The following TMEM232 variants were observed in gnomAD, a reference collection of about 807,000 sequenced individuals.
TMEM232 encodes transmembrane protein 232.
In TMEM232, 80 loss-of-function variants were observed where a neutral mutation model predicts 78.8. That is an observed-to-expected ratio of 1.01 (90% CI 0.85 to 1.22). The LOEUF (loss-of-function observed/expected upper bound fraction) is 1.22, where lower values mean the gene tolerates loss of function less well. TMEM232 is among the 50% of genes most tolerant of loss of function. The pLI, the probability that TMEM232 is intolerant of heterozygous loss-of-function variation, is 0.00. For synonymous variants in TMEM232, 297 were observed against 254.3 expected (o/e 1.17, Z -1.60); for missense variants, 881 against 742.2 (o/e 1.19, Z -2.17).
chr5:110,645,728 T>A (rs892975458), intron 2 of TMEM232, among the ~76,000 whole-genome samples: 25 of 151,486 alleles, frequency 1.7e-4, no homozygotes, highest in Non-Finnish European at 4.4e-5. Context: ...CCAGAGCAAG[T>A]AAGTAAGAAT....
chr5:110,598,961 T>C (rs1207744364), intron 10 of TMEM232, among the ~76,000 whole-genome samples: 1 of 151,446 alleles, frequency 6.6e-6, no homozygotes, highest in Non-Finnish European at 1.5e-5. Flanking sequence ...TGTATACATA[T>C]GTAACTAACC....
At chr5:110,470,982 A>T (rs1456726691) in intron 12 of TMEM232, among the ~76,000 whole-genome samples, 1 of 152,200 alleles carries the variant, frequency 6.6e-6, no homozygotes, top group Non-Finnish European at 1.5e-5. Flanking sequence ...ACAGATAGAC[A>T]ATTTGGTTAA....
At chr5:110,477,795 T>C (rs1039707152) in intron 12 of TMEM232, among the ~76,000 whole-genome samples, 61 of 151,918 alleles carry the variant, frequency 4.0e-4, no homozygotes, top group African/African-American at 1.4e-3. Flanking sequence ...TTTTGTATAA[T>C]AGAAATACAA....
intron 8 of TMEM232, among the ~76,000 whole-genome samples, chr5:110,610,277 G>A (rs141674640): frequency 0.1 from 1,403 of 13,634 alleles, 16 homozygotes; most frequent in Non-Finnish European, 0.21. Context: ...GAAGGTGGGT[G>A]GGTGAAGGGA....
At chr5:110,428,632 C>A (rs1757500904) in intron 12 of TMEM232, among the ~76,000 whole-genome samples, 1 of 151,254 alleles carries the variant, frequency 6.6e-6, no homozygotes, top group African/African-American at 2.4e-5. Flanking sequence ...CCAGCACTTA[C>A]ATATCCTCCT....
chr5:110,644,521 G>A (rs919058452), intron 2 of TMEM232, among the ~76,000 whole-genome samples: 1 of 151,752 alleles, frequency 6.6e-6, no homozygotes, highest in African/African-American at 2.4e-5. Context: ...CAAGATTAAT[G>A]ACTTATTGTG....
intron 12 of TMEM232, among the ~76,000 whole-genome samples, chr5:110,457,099 G>C (rs1045678676): frequency 2.6e-5 from 4 of 151,898 alleles, no homozygotes; most frequent in African/African-American, 9.7e-5. Context: ...CCACAGATAA[G>C]AATATTTACA....
intron 12 of TMEM232, among the ~76,000 whole-genome samples, chr5:110,480,520 G>C (rs142073898): frequency 0.013 from 2,037 of 152,130 alleles, 19 homozygotes; most frequent in Middle Eastern, 0.037. Context: ...TTTTTTAAGA[G>C]ATTGCTTGAG....
At chr5:110,506,838 G>C (rs983114800) in intron 12 of TMEM232, among the ~76,000 whole-genome samples, 4 of 152,034 alleles carry the variant, frequency 2.6e-5, no homozygotes, top group Admixed American at 1.3e-4. Context: ...ATTTATTTAA[G>C]TATATTATTT....
rs146225167 is a variant in TMEM232 at position 110,579,133 on chromosome 5, T to C, written c.1277-10508A>G. Among the ~76,000 whole-genome samples, 11 of 151,752 alleles carry C rather than the reference T, an allele frequency of 7.2e-5. No homozygotes were observed. The East Asian group carries it at 1.9e-3, about 27-fold the overall frequency. ...CAACTTGTCATGTCAAGGGGATGAT[T>C]GTAAGACTACCCAAAGATTTTTTTA... On this transcript the variant is annotated intron_variant, in intron 10 of 13. Coordinates refer to ENST00000455884, the MANE Select transcript of TMEM232 (RefSeq NM_001039763.4).
chr5:110,505,529 CAG>C (rs1190531904), intron 12 of TMEM232, among the ~76,000 whole-genome samples: 3 of 152,146 alleles, frequency 2.0e-5, no homozygotes, highest in Admixed American at 6.6e-5. Context: ...CTTTTTGAAA[CAG>C]AGTCTTGATA....
chr5:110,677,572 C>T (rs1015708890), intron 1 of TMEM232, among the ~76,000 whole-genome samples: 5 of 152,032 alleles, frequency 3.3e-5, no homozygotes, highest in Admixed American at 2.6e-4. Flanking sequence ...CACTAAGCAT[C>T]GTATTATTTG....
chr5:110,683,957 T>G (rs939673028), intron 1 of TMEM232, among the ~76,000 whole-genome samples: 2 of 152,012 alleles, frequency 1.3e-5, no homozygotes, highest in African/African-American at 4.8e-5. Flanking sequence ...AGCAAAATAG[T>G]AGGAAATATT....
intron 12 of TMEM232, among the ~76,000 whole-genome samples, chr5:110,453,074 G>A (rs1392951904): frequency 6.6e-6 from 1 of 152,154 alleles, no homozygotes; most frequent in South Asian, 2.1e-4. Flanking sequence ...AACAGTGACA[G>A]TGATACCAGG....
intron 3 of TMEM232, among the ~76,000 whole-genome samples, chr5:110,397,275 C>A (rs1755423337): frequency 6.6e-6 from 1 of 152,012 alleles, no homozygotes; most frequent in Non-Finnish European, 1.5e-5. Flanking sequence ...AATGTTATAC[C>A]ATGAAAAACA....
intron 12 of TMEM232, among the ~76,000 whole-genome samples, chr5:110,527,105 G>T (rs150197594): frequency 6.6e-6 from 1 of 151,780 alleles, no homozygotes; most frequent in African/African-American, 2.4e-5. Flanking sequence ...GGGATGGGGG[G>T]TAAATCAGGG....
rs377229781 is a variant in TMEM232 at position 110,474,211 on chromosome 5, A to G, written c.1704-49295T>C. 3.3e-5 allele frequency among the ~76,000 whole-genome samples: 5 copies of G among 152,016 alleles called. No individual in the cohort carries two copies. In the East Asian group the frequency reaches 7.7e-4, roughly 23 times the overall value. On this transcript the variant is annotated intron_variant, in intron 12 of 13. Transcript: ENST00000455884. ...CTAATTACCCTGATTTGATCATTATATAACATGTACTTACACTGAAATGTC... is the reference window on the plus strand; with the variant it reads ...CTAATTACCCTGATTTGATCATTATGTAACATGTACTTACACTGAAATGTC...
intron 12 of TMEM232, among the ~76,000 whole-genome samples, chr5:110,433,528 T>C (rs1400695787): frequency 1.3e-5 from 2 of 151,756 alleles, no homozygotes; most frequent in African/African-American, 2.4e-5. Flanking sequence ...GAAAAATCTC[T>C]AACCACCTAA....
chr5:110,585,556 G>C (rs983239638), intron 10 of TMEM232, among the ~76,000 whole-genome samples: 1 of 152,100 alleles, frequency 6.6e-6, no homozygotes, highest in African/African-American at 2.4e-5. Context: ...TTCAAGATTT[G>C]GAAAATGGAG....
Sources: gnomAD v4.1 joint callset for allele counts (sites outside exome capture counted in the v4.1 genomes callset) on GRCh38, gnomAD v4.1.1 for gene constraint, MANE v1.5 for transcripts, NCBI Gene and HGNC (gene_info 2026-07-23, HGNC 2026-07-21) for gene names.